The following PTPRG variants were observed in gnomAD, a reference collection of about 807,000 sequenced individuals.
The protein encoded by PTPRG is protein tyrosine phosphatase receptor type G, also known as receptor-type tyrosine-protein phosphatase gamma.
A neutral mutation model predicts 165.3 loss-of-function variants in PTPRG; 102 were observed. That is an observed-to-expected ratio of 0.62 (90% CI 0.53 to 0.73). The LOEUF is 0.73. PTPRG is among the 30% of genes least tolerant of loss of function. The pLI is 0.00. For synonymous variants in PTPRG, 675 were observed against 669.5 expected, an observed-to-expected ratio of 1.01 and a Z score of -0.13; for missense variants, 1,866 against 1,861.4, an observed-to-expected ratio of 1.00 and a Z score of -0.05.
At chr3:62,221,982 C>T (rs1460662612) in intron 13 of PTPRG, among the ~76,000 whole-genome samples, 1 of 152,232 alleles carries the variant, frequency 6.6e-6, no homozygotes, top group African/African-American at 2.4e-5. Context: ...GTGGCACCAA[C>T]TCATGTGATT....
chr3:61,993,576 G>A (rs1016957249), intron 3 of PTPRG, among the ~76,000 whole-genome samples: 1 of 152,096 alleles, frequency 6.6e-6, no homozygotes, highest in Non-Finnish European at 1.5e-5. Flanking sequence ...AGGGCTCATG[G>A]TATCTGTGCA....
intron 1 of PTPRG, among the ~76,000 whole-genome samples, chr3:61,599,897 G>A (rs1008460501): frequency 7.9e-5 from 12 of 152,074 alleles, no homozygotes; most frequent in Admixed American, 2.0e-4. Context: ...GGTGGCCCAC[G>A]CCTGTAATCT....
rs887022386 is a variant in PTPRG, at chr3:61,569,644, T to G, written c.85+7272T>G. Among the ~76,000 whole-genome samples, 6 of 152,094 alleles carry G rather than the reference T, an allele frequency of 3.9e-5. No homozygotes were observed. In the East Asian group the frequency reaches 1.2e-3, roughly 29 times the overall value. On this transcript the variant is annotated intron_variant, in intron 1 of 29. Transcript: ENST00000474889. ...ACCGTTTTTAAGTGTTCTTAAGAGA[T>G]TTGGATAGGAGTGTATGGAAAGCGG...
chr3:61,591,912 G>A (rs975843204), intron 1 of PTPRG, among the ~76,000 whole-genome samples: 1 of 152,098 alleles, frequency 6.6e-6, no homozygotes, highest in Non-Finnish European at 1.5e-5. Flanking sequence ...GTTCCTCAAA[G>A]GGGTAGAAGG....
intron 2 of PTPRG, among the ~76,000 whole-genome samples, chr3:61,952,162 C>T (rs1472620438): frequency 2.0e-5 from 3 of 148,330 alleles, no homozygotes; most frequent in Non-Finnish European, 4.5e-5. Flanking sequence ...GAATCCCAGT[C>T]TTCCTCAGAC....
intron 2 of PTPRG, among the ~76,000 whole-genome samples, chr3:61,757,977 G>C (rs752110051): frequency 1.6e-4 from 25 of 152,032 alleles, no homozygotes; most frequent in African/African-American, 5.1e-4. Context: ...TTTACTTAAG[G>C]GCTACCAGTT....
At chr3:62,140,406 C>T (rs1454024851) in intron 6 of PTPRG, among the ~76,000 whole-genome samples, 1 of 152,170 alleles carries the variant, frequency 6.6e-6, no homozygotes, top group Non-Finnish European at 1.5e-5. Context: ...ACTGTTCATA[C>T]AATGGAATAT....
rs1223985797 is a variant in PTPRG, at chr3:61,752,794, A to AAAAAAAAT, written c.190+3819_190+3820insTAAAAAAA. Among the ~76,000 whole-genome samples the AAAAAAAAT allele has an allele frequency of 4.7e-5, 5 of 106,028 alleles. No homozygotes were observed. In the East Asian group the frequency reaches 7.1e-4, roughly 15 times the overall value. The allele number at this position is 106,028 out of a possible 152,430, so 69.6% of individuals were successfully genotyped here. On this transcript the variant is annotated intron_variant, in intron 2 of 29. Coordinates refer to ENST00000474889, the MANE Select transcript of PTPRG (RefSeq NM_002841.4). ...TAGAGCAAGACTGTCTCAAAAAAAA[A>AAAAAAAAT]AAAAAAAGAAAAAAAAAAAGAAAAT...
At chr3:62,145,987 A>G (rs1704105585) in intron 6 of PTPRG, among the ~76,000 whole-genome samples, 1 of 152,222 alleles carries the variant, frequency 6.6e-6, no homozygotes, top group Non-Finnish European at 1.5e-5. Context: ...TCCTTTGTGA[A>G]TTAGGTCATT....
intron 1 of PTPRG, among the ~76,000 whole-genome samples, chr3:61,690,233 C>G (rs182437375): frequency 7.2e-5 from 11 of 152,314 alleles, no homozygotes; most frequent in Admixed American, 6.5e-4. Context: ...ACTATCACTT[C>G]TTGGAAATGC....
chr3:62,231,248 AG>A lies in PTPRG; in HGVS notation c.2315del (p.Gly772AlafsTer91). The part of the protein sequence containing the change: ...YWRGCNKIKS[K>X]GFPRRFREVP... The stretch of plus-strand genomic sequence containing the variant: ...AGAGGGTGTAACAAAATAAAGTCCA[AG>A]GGCTTTCCCAGACGTTTCCGTGAAG... On this transcript the variant is annotated frameshift_variant, in exon 14 of 30. Coordinates refer to ENST00000474889, the MANE Select transcript of PTPRG (RefSeq NM_002841.4). LOFTEE classifies it high-confidence loss of function. 6.3e-7 allele frequency: 1 copy of A among 1,589,474 alleles called. No individual in the cohort carries two copies. The highest frequency in any genetic ancestry group is 8.6e-7 in the Non-Finnish European group (1 of 1,167,420).
chr3:61,824,363 T>A (rs2036045455), intron 2 of PTPRG, among the ~76,000 whole-genome samples: 1 of 152,228 alleles, frequency 6.6e-6, no homozygotes, highest in African/African-American at 2.4e-5. Context: ...GTAAGCAACC[T>A]TCCTTCACAA....
chr3:61,809,165 T>C (rs1365275114), intron 2 of PTPRG, among the ~76,000 whole-genome samples: 1 of 150,458 alleles, frequency 6.6e-6, no homozygotes, highest in African/African-American at 2.4e-5. Context: ...ATTATCACGG[T>C]GGGGGAGGTT....
At chr3:61,906,899 G>C (rs1347971298) in intron 2 of PTPRG, among the ~76,000 whole-genome samples, 1 of 151,908 alleles carries the variant, frequency 6.6e-6, no homozygotes, top group Non-Finnish European at 1.5e-5. Flanking sequence ...GACTACTGTT[G>C]CTCCTGGCTA....
At chr3:62,293,034 A>G (rs923935455) in intron 29 of PTPRG, 127 bp from the exon 30 acceptor site, 12 of 769,528 alleles carry the variant, frequency 1.6e-5, no homozygotes, top group Middle Eastern at 4.1e-4. Context: ...GTTTTTTTAG[A>G]TAACATTTAT....
chr3:61,940,370 A>G (rs1278701505), intron 2 of PTPRG, among the ~76,000 whole-genome samples: 1 of 152,184 alleles, frequency 6.6e-6, no homozygotes, highest in Non-Finnish European at 1.5e-5. Context: ...GTGAGATAGC[A>G]CTGCTGGCAG....
chr3:61,649,342 A>G (rs547215479), intron 1 of PTPRG, among the ~76,000 whole-genome samples: 1 of 152,186 alleles, frequency 6.6e-6, no homozygotes, highest in Admixed American at 6.5e-5. Flanking sequence ...AAACAATATA[A>G]ATTTATTTCT....
chr3:62,201,402 CAT>C (rs1195248728), intron 10 of PTPRG, 101 bp from the exon 11 acceptor site: 2 of 910,286 alleles, frequency 2.2e-6, no homozygotes, highest in African/African-American at 3.4e-5. Context: ...AATATTTTGA[CAT>C]GTGAAAATTA....
chr3:62,118,011 G>A (rs1702927052), intron 5 of PTPRG, among the ~76,000 whole-genome samples: 1 of 152,156 alleles, frequency 6.6e-6, no homozygotes, highest in South Asian at 2.1e-4. Context: ...GGCATCGTGT[G>A]AAGTATTTTA....
Sources: allele counts gnomAD v4.1 joint callset (sites outside exome capture counted in the v4.1 genomes callset), GRCh38; gene constraint gnomAD v4.1.1; transcripts MANE v1.5; gene names NCBI Gene and HGNC (gene_info 2026-07-23, HGNC 2026-07-21).